Variants in VKORC1L1 observed in about 807,000 individuals in gnomAD.
VKORC1L1 encodes vitamin K epoxide reductase complex subunit 1L1, also known as vitamin K epoxide reductase complex subunit 1-like protein 1.
A neutral mutation model predicts 18.9 loss-of-function variants in VKORC1L1; 2 were observed. The ratio of observed to expected loss-of-function variants is 0.11; its 90% CI spans 0.04 to 0.33. VKORC1L1 has a LOEUF of 0.33. VKORC1L1 is among the 10% of genes least tolerant of loss of function. VKORC1L1 has a pLI of 1.00. For missense variants in VKORC1L1, 123 were observed against 224.1 expected (o/e 0.55, Z 2.88); for synonymous variants, 96 against 100.0 (o/e 0.96, Z 0.24).
intron 1 of VKORC1L1, among the ~76,000 whole-genome samples, chr7:65,888,112 A>G (rs566620428): frequency 6.6e-6 from 1 of 152,270 alleles, no homozygotes; most frequent in Admixed American, 6.5e-5. Flanking sequence ...TGTGTGTGAG[A>G]TGCAATTTGT....
chr7:65,882,034 C>T (rs1788936801), intron 1 of VKORC1L1, among the ~76,000 whole-genome samples: 1 of 151,716 alleles, frequency 6.6e-6, no homozygotes, highest in Non-Finnish European at 1.5e-5. Flanking sequence ...GAGCTGAGAT[C>T]ATGCCACTGC....
At chr7:65,881,925 C>T (rs1562981340) in intron 1 of VKORC1L1, among the ~76,000 whole-genome samples, 3 of 150,652 alleles carry the variant, frequency 2.0e-5, no homozygotes, top group African/African-American at 2.4e-5. Flanking sequence ...ACTAAAAATA[C>T]AAAAATTAGC....
chr7:65,873,237 CGCGGCG>C lies in VKORC1L1; in HGVS notation c.-121_-116del, dbSNP rs950125917. On this transcript the variant is annotated 5_prime_UTR_variant, in exon 1 of 3. Transcript: ENST00000360768. ...GGAGCAGGCCACCGAGCCAATGGGG[CGCGGCG>C]GCGGCGGCGGCGGTGGTGGCGGCGG... The C allele has an allele frequency of 4.1e-6, 4 of 964,146 alleles. No homozygotes were observed. Among genetic ancestry groups the C allele is most frequent in the South Asian group, 4.6e-5 (1 of 21,762 alleles). 59.7% of individuals were successfully genotyped at this position (964,146 alleles called of 1,614,324 possible).
chr7:65,894,792 T>G (rs1370327588), intron 1 of VKORC1L1, among the ~76,000 whole-genome samples: 1 of 152,168 alleles, frequency 6.6e-6, no homozygotes, highest in Non-Finnish European at 1.5e-5. Flanking sequence ...GTGCCTGTAA[T>G]CCCAGCACTT....
intron 1 of VKORC1L1, among the ~76,000 whole-genome samples, chr7:65,901,368 A>C (rs1789312619): frequency 6.6e-6 from 1 of 152,196 alleles, no homozygotes; most frequent in African/African-American, 2.4e-5. Flanking sequence ...AACAGCAACA[A>C]CAACAAGATA....
intron 1 of VKORC1L1, among the ~76,000 whole-genome samples, chr7:65,910,763 T>A (rs1188358348): frequency 6.6e-6 from 1 of 152,182 alleles, no homozygotes; most frequent in Non-Finnish European, 1.5e-5. Context: ...ATTTACCCTT[T>A]CATGTAAGTG....
chr7:65,870,860 A>G (rs1479777536), upstream of VKORC1L1, among the ~76,000 whole-genome samples: 1 of 152,096 alleles, frequency 6.6e-6, no homozygotes. Context: ...GGCTCATTGC[A>G]GCCTCAATCC....
chr7:65,935,647 A>G (rs1043738326), intron 1 of VKORC1L1, among the ~76,000 whole-genome samples: 2 of 151,934 alleles, frequency 1.3e-5, no homozygotes, highest in African/African-American at 4.8e-5. Flanking sequence ...TAGGCATTTG[A>G]ATTCTTGTCT....
At chr7:65,877,772 TA>T (rs1788853422) in intron 1 of VKORC1L1, among the ~76,000 whole-genome samples, 1 of 152,180 alleles carries the variant, frequency 6.6e-6, no homozygotes, top group Non-Finnish European at 1.5e-5. Flanking sequence ...CTATGTTTCT[TA>T]AAACTGTAAA....
At chr7:65,887,118 G>A (rs1015645910) in intron 1 of VKORC1L1, among the ~76,000 whole-genome samples, 5 of 151,984 alleles carry the variant, frequency 3.3e-5, no homozygotes, top group African/African-American at 9.7e-5. Flanking sequence ...CAAAGTGCTG[G>A]GATTACAGGC....
chr7:65,889,942 T>G (rs1243754464), intron 1 of VKORC1L1, among the ~76,000 whole-genome samples: 1 of 150,144 alleles, frequency 6.7e-6, no homozygotes, highest in African/African-American at 2.5e-5. Flanking sequence ...AATTGATATA[T>G]TCATTCTCTC....
chr7:65,882,906 A>G (rs1401215514), intron 1 of VKORC1L1, among the ~76,000 whole-genome samples: 1 of 152,216 alleles, frequency 6.6e-6, no homozygotes. Flanking sequence ...GGACAGGTGT[A>G]ATTAAATCCT....
At chr7:65,923,437 G>T (rs1257792067) in intron 1 of VKORC1L1, among the ~76,000 whole-genome samples, 2 of 152,042 alleles carry the variant, frequency 1.3e-5, no homozygotes, top group Admixed American at 1.3e-4. Flanking sequence ...AATTGGGGAG[G>T]AGAGAAAGAC....
At position 65,873,376 on chromosome 7, in the gene VKORC1L1, C is replaced by T. The variant is rs778801716; in HGVS notation, c.5C>T (p.Ala2Val). M[A>V]APVLLRVSVP... The stretch of plus-strand genomic sequence containing the variant: ...GGCGGCGGCGGCGGCGGGAAGATGG[C>T]GGCTCCCGTCCTGCTAAGAGTGTCG... Residue 2 changes from alanine (A) to valine (V), a missense_variant, in exon 1 of 3, where the codon GCG becomes GTG. This residue lies in a region of VKORC1L1 where 60 missense variants were observed against 76.9 expected (regional missense o/e 0.78). Transcript: ENST00000360768. The T allele has an allele frequency of 9.3e-6, 14 of 1,502,378 alleles. No homozygotes were observed. The highest frequency in any genetic ancestry group is 2.8e-5 in the East Asian group (1 of 36,116). The allele number at this position is 1,502,378 out of a possible 1,614,324, so 93.1% of individuals were successfully genotyped here. A position where few individuals can be genotyped will look rare whatever the true frequency, so the allele number is the denominator to read the frequency against.
At position 65,956,716 on chromosome 7, in the gene VKORC1L1, T is replaced by C. The variant is rs1248742539; in HGVS notation, c.*2416T>C. The C allele has an allele frequency of 6.6e-6, 1 of 152,192 alleles. No homozygotes were observed. Among genetic ancestry groups the C allele is most frequent in the Non-Finnish European group, 1.5e-5 (1 of 68,032 alleles). The allele number at this position is 152,192 out of a possible 1,614,324, so 9.4% of individuals were successfully genotyped here. A position where few individuals can be genotyped will look rare whatever the true frequency, so the allele number is the denominator to read the frequency against. On this transcript the variant is annotated 3_prime_UTR_variant, in exon 3 of 3. Transcript: ENST00000360768. The stretch of plus-strand genomic sequence containing the variant: ...TTGCCCTGGAGAATTCAGATTCCTT[T>C]CTATACCTCCGATTCTGCCCAGAAG...
chr7:65,873,182 T>C lies in VKORC1L1; in HGVS notation c.-190T>C, dbSNP rs1237323407. The C allele has an allele frequency of 1.5e-6, 1 of 689,208 alleles. No individual in the cohort carries two copies. Among genetic ancestry groups the C allele is most frequent in the African/African-American group, 2.0e-5 (1 of 50,786 alleles). The allele number at this position is 689,208 out of a possible 1,614,324, so 42.7% of individuals were successfully genotyped here. On this transcript the variant is annotated 5_prime_UTR_variant, in exon 1 of 3. Coordinates refer to ENST00000360768, the MANE Select transcript of VKORC1L1 (RefSeq NM_173517.6). ...GTCCGCCTCACTCCTTTTGGGGCGG[T>C]TGGGCCGCGCGCCTGTGGGGGCGGG...
chr7:65,950,941 G>C (rs1790202284), intron 2 of VKORC1L1, among the ~76,000 whole-genome samples: 1 of 152,166 alleles, frequency 6.6e-6, no homozygotes, highest in Non-Finnish European at 1.5e-5. Context: ...CCAGATGCAA[G>C]ATGTTTTCCT....
At chr7:65,875,921 A>G (rs1453750103) in intron 1 of VKORC1L1, among the ~76,000 whole-genome samples, 3 of 152,138 alleles carry the variant, frequency 2.0e-5, no homozygotes, top group Admixed American at 6.6e-5. Context: ...GGATTGCTCA[A>G]ACTCACTTTA....
intron 1 of VKORC1L1, among the ~76,000 whole-genome samples, chr7:65,941,139 TCTCA>T (rs1790025868): frequency 6.6e-6 from 1 of 152,192 alleles, no homozygotes; most frequent in African/African-American, 2.4e-5. Flanking sequence ...TAAGACAGGC[TCTCA>T]CTCTGTCACC....
Sources: allele counts gnomAD v4.1 joint callset (sites outside exome capture counted in the v4.1 genomes callset), GRCh38; gene constraint gnomAD v4.1.1; regional missense constraint gnomAD v4.1.1; transcripts MANE v1.5; gene names NCBI Gene and HGNC (gene_info 2026-07-23, HGNC 2026-07-21).